PUM2: variants seen among roughly 807,000 people sequenced by gnomAD.
PUM2 encodes pumilio homolog 2.
PUM2 carries 57 observed loss-of-function variants against 124.5 expected under a neutral mutation model. The observed-to-expected ratio is 0.46, with a 90% CI of 0.37 to 0.57. The LOEUF is 0.57. PUM2 is among the 20% of genes least tolerant of loss of function. The pLI is 0.00. For missense variants in PUM2, 1,065 were observed against 1,290.6 expected, an observed-to-expected ratio of 0.83 and a Z score of 2.68; for synonymous variants, 460 against 446.1, an observed-to-expected ratio of 1.03 and a Z score of -0.39.
intron 13 of PUM2, among the ~76,000 whole-genome samples, chr2:20,273,619 A>C (rs1011040390): frequency 1.3e-5 from 2 of 152,184 alleles, no homozygotes; most frequent in Non-Finnish European, 2.9e-5. Flanking sequence ...AATTTCTTCA[A>C]AACATTATTT....
At chr2:20,303,248 T>C (rs974268316) in intron 7 of PUM2, among the ~76,000 whole-genome samples, 1 of 152,160 alleles carries the variant, frequency 6.6e-6, no homozygotes, top group South Asian at 2.1e-4. Flanking sequence ...GGAAACAATA[T>C]GGTTGAGCAA....
In PUM2 at chr2:20,255,358, G is replaced by A. The variant is rs1426781455; in HGVS notation, c.2623-17C>T. 2 of 1,596,640 alleles carry A rather than the reference G, an allele frequency of 1.3e-6. No individual in the cohort carries two copies. Among genetic ancestry groups the A allele is most frequent in the Non-Finnish European group, 1.7e-6 (2 of 1,171,756 alleles). On this transcript the variant is annotated splice_polypyrimidine_tract_variant and intron_variant, in intron 17 of 20. Coordinates refer to ENST00000361078, the MANE Select transcript of PUM2 (RefSeq NM_015317.5). Reference sequence around the variant, plus strand: ...CACAAATACCTGAGGACAATTAGAAGAATTAAAATTTGTATTCTCTGACAT... The same window carrying A: ...CACAAATACCTGAGGACAATTAGAAAAATTAAAATTTGTATTCTCTGACAT...
chr2:20,310,762 A>G (rs1679418712), intron 5 of PUM2, among the ~76,000 whole-genome samples: 1 of 151,960 alleles, frequency 6.6e-6, no homozygotes, highest in Admixed American at 6.6e-5. Context: ...GAAACAACTC[A>G]TTTTCAGATA....
chr2:20,275,222 T>C (rs1669968428), intron 13 of PUM2, among the ~76,000 whole-genome samples: 1 of 151,914 alleles, frequency 6.6e-6, no homozygotes, highest in South Asian at 2.1e-4. Context: ...GGTGTAATTT[T>C]AGAACCAAAA....
At chr2:20,296,221 C>G (rs1358501731) in intron 8 of PUM2, among the ~76,000 whole-genome samples, 1 of 152,190 alleles carries the variant, frequency 6.6e-6, no homozygotes, top group African/African-American at 2.4e-5. Context: ...CTTGGCCGGG[C>G]GCGGTGGCTC....
At chr2:20,312,453 C>A in intron 3 of PUM2, 30 bp from the exon 4 acceptor site, 2 of 1,565,524 alleles carry the variant, frequency 1.3e-6, no homozygotes, top group South Asian at 1.2e-5. Context: ...CAATTATATA[C>A]TTATACTTTT....
intron 1 of PUM2, chr2:20,350,319 G>A (rs990960708): frequency 1.2e-4 from 42 of 336,136 alleles, no homozygotes; most frequent in Non-Finnish European, 1.5e-4. Context: ...GAACCGGGTC[G>A]GCGCCCCACG....
intron 9 of PUM2, 118 bp downstream of exon 9, chr2:20,294,258 T>C (rs1261044339): frequency 2.7e-6 from 3 of 1,108,042 alleles, no homozygotes; most frequent in Non-Finnish European, 3.8e-6. Context: ...ATCAACTGTA[T>C]GCCAGGAGTC....
At chr2:20,320,042 T>TGGATCACGAGGTCAGGA (rs781265913) in intron 2 of PUM2, among the ~76,000 whole-genome samples, 36 of 152,108 alleles carry the variant, frequency 2.4e-4, no homozygotes, top group Non-Finnish European at 4.7e-4. Context: ...CCTAGACAGG[T>TGGATCACGAGGTCAGGA]GGATCACGAG....
chr2:20,261,503 G>A (rs1666267324), intron 14 of PUM2, among the ~76,000 whole-genome samples: 1 of 135,320 alleles, frequency 7.4e-6, no homozygotes, highest in South Asian at 2.4e-4. Flanking sequence ...ACTTTTTATT[G>A]TTATTTTAGA....
intron 10 of PUM2, among the ~76,000 whole-genome samples, chr2:20,287,402 GAGA>G (rs972189043): frequency 1.3e-5 from 2 of 152,124 alleles, no homozygotes; most frequent in Non-Finnish European, 2.9e-5. Flanking sequence ...ATTAAAAGAT[GAGA>G]AGGATAGTTA....
intron 16 of PUM2, among the ~76,000 whole-genome samples, chr2:20,257,538 A>G (rs1665107810): frequency 1.3e-5 from 2 of 152,180 alleles, no homozygotes; most frequent in Admixed American, 6.5e-5. Flanking sequence ...TTTCTTATTA[A>G]AAGTCTGTTT....
intron 3 of PUM2, among the ~76,000 whole-genome samples, chr2:20,317,945 G>T (rs1212796902): frequency 6.6e-6 from 1 of 152,046 alleles, no homozygotes. Flanking sequence ...AGTATTGATG[G>T]GCATTTAGGT....
intron 13 of PUM2, among the ~76,000 whole-genome samples, chr2:20,265,220 C>G (rs1333166251): frequency 6.6e-6 from 1 of 151,298 alleles, no homozygotes; most frequent in Admixed American, 6.6e-5. Flanking sequence ...CCACCGCAGT[C>G]CAGCCTGGGT....
chr2:20,275,379 AG>A, intron 13 of PUM2, among the ~76,000 whole-genome samples: 1 of 152,080 alleles, frequency 6.6e-6, no homozygotes, highest in Admixed American at 6.6e-5. Flanking sequence ...CTGAAAGTAA[AG>A]GAAAGAATCT....
At chr2:20,327,281 G>A in intron 2 of PUM2, 29 bp downstream of exon 2, 2 of 1,428,718 alleles carry the variant, frequency 1.4e-6, no homozygotes, top group South Asian at 1.2e-5. Flanking sequence ...AAAGTGAGGT[G>A]TAAGTTCTTA....
chr2:20,336,978 G>C (rs1429219896), intron 1 of PUM2, among the ~76,000 whole-genome samples: 3 of 152,024 alleles, frequency 2.0e-5, no homozygotes, highest in Admixed American at 6.6e-5. Context: ...TAATAGTGGA[G>C]TAAGACATTA....
intron 1 of PUM2, among the ~76,000 whole-genome samples, chr2:20,342,876 A>G (rs940077445): frequency 6.6e-6 from 1 of 152,222 alleles, no homozygotes; most frequent in African/African-American, 2.4e-5. Flanking sequence ...AAGGCAAGTT[A>G]TTACATCAAA....
At chr2:20,309,851 G>A (rs1231310867) in intron 5 of PUM2, among the ~76,000 whole-genome samples, 2 of 152,088 alleles carry the variant, frequency 1.3e-5, no homozygotes, top group African/African-American at 2.4e-5. Flanking sequence ...CTGTAGATAT[G>A]TAAGCAAACT....
Sources: gnomAD v4.1 joint callset for allele counts (sites outside exome capture counted in the v4.1 genomes callset) on GRCh38, gnomAD v4.1.1 for gene constraint, MANE v1.5 for transcripts, NCBI Gene and HGNC (gene_info 2026-07-23, HGNC 2026-07-21) for gene names.